Variants in VAPB observed in about 807,000 individuals in gnomAD.
VAPB encodes VAMP associated protein B and C.
A neutral mutation model predicts 25.6 loss-of-function variants in VAPB; 7 were observed. The ratio of observed to expected loss-of-function variants is 0.27; its 90% CI spans 0.16 to 0.51. The LOEUF is 0.51. Ranked by LOEUF, VAPB falls within the 20% of genes least tolerant of loss-of-function variation. The probability of loss-of-function intolerance (pLI) is 0.97; values close to 1 mark genes in which losing one functional copy is unlikely to be tolerated. For synonymous variants in VAPB, 112 were observed against 109.2 expected, an observed-to-expected ratio of 1.03 and a Z score of -0.16; for missense variants, 266 against 301.3, an observed-to-expected ratio of 0.88 and a Z score of 0.87.
chr20:58,396,716 A>G (rs1016555956), intron 1 of VAPB, among the ~76,000 whole-genome samples: 5 of 152,222 alleles, frequency 3.3e-5, no homozygotes, highest in Non-Finnish European at 7.3e-5. Context: ...TTTGCAATAT[A>G]AGGGTAAAGA....
In VAPB at chr20:58,439,167, G is replaced by A. The variant is rs1395556645; in HGVS notation, c.396+142G>A. The A allele has an allele frequency of 5.4e-6, 4 of 743,842 alleles. No homozygotes were observed. The Admixed American group carries it at 9.3e-5, about 17-fold the overall frequency. 46.1% of individuals were successfully genotyped at this position (743,842 alleles called of 1,614,324 possible). Reference sequence around the variant, plus strand: ...GAAGAAAAAAAATAAGCTGAAGTCAGCAAATAAGTGGGCCTTTATGAAATC... The same window carrying A: ...GAAGAAAAAAAATAAGCTGAAGTCAACAAATAAGTGGGCCTTTATGAAATC... On this transcript the variant is annotated intron_variant, in intron 4 of 5. Coordinates refer to ENST00000475243, the MANE Select transcript of VAPB (RefSeq NM_004738.5).
intron 2 of VAPB, among the ~76,000 whole-genome samples, chr20:58,423,427 A>C (rs1988714573): frequency 1.4e-5 from 2 of 145,988 alleles, no homozygotes; most frequent in African/African-American, 2.5e-5. Context: ...AAAAAAAAAA[A>C]AAAAAAAAAA....
chr20:58,426,783 G>T (rs114458872), intron 2 of VAPB, among the ~76,000 whole-genome samples: 1,816 of 152,220 alleles, frequency 0.012, 46 homozygotes, highest in African/African-American at 0.041. Context: ...GAAACTAGAA[G>T]AAACTTGGAA....
At chr20:58,410,586 T>G (rs1204211523) in intron 1 of VAPB, among the ~76,000 whole-genome samples, 1 of 151,894 alleles carries the variant, frequency 6.6e-6, no homozygotes, top group Non-Finnish European at 1.5e-5. Context: ...CTAGCCAATT[T>G]TTGTAGTTTT....
chr20:58,419,913 G>T (rs192845692), intron 2 of VAPB, among the ~76,000 whole-genome samples: 18 of 152,250 alleles, frequency 1.2e-4, no homozygotes, highest in Non-Finnish European at 2.6e-4. Context: ...ATCTCAGTAG[G>T]TGGTTGTACA....
At chr20:58,396,725 GAAAGGT>G (rs1987967272) in intron 1 of VAPB, among the ~76,000 whole-genome samples, 3 of 152,328 alleles carry the variant, frequency 2.0e-5, no homozygotes, top group Admixed American at 2.0e-4. Context: ...TAAGGGTAAA[GAAAGGT>G]AAAGAAGGAA....
intron 3 of VAPB, among the ~76,000 whole-genome samples, chr20:58,436,644 A>G (rs116794586): frequency 3.1e-4 from 47 of 152,114 alleles, no homozygotes; most frequent in African/African-American, 1.0e-3. Context: ...CTTTATTTTA[A>G]AATGTTTTTC....
At chr20:58,401,734 C>T (rs1221635211) in intron 1 of VAPB, among the ~76,000 whole-genome samples, 9 of 152,174 alleles carry the variant, frequency 5.9e-5, no homozygotes, top group African/African-American at 1.9e-4. Context: ...CAGTACCCTT[C>T]GCTTCTAACG....
chr20:58,440,848 TA>T (rs1179764959), intron 4 of VAPB, 58 bp from the exon 5 acceptor site: 4 of 1,558,618 alleles, frequency 2.6e-6, no homozygotes, highest in Non-Finnish European at 3.5e-6. Context: ...TTACTTTGCA[TA>T]AAAAAGTCCA....
At chr20:58,401,506 G>A (rs1851430617) in intron 1 of VAPB, among the ~76,000 whole-genome samples, 1 of 152,058 alleles carries the variant, frequency 6.6e-6, no homozygotes, top group Non-Finnish European at 1.5e-5. Context: ...TTTGACCCCT[G>A]TTGTCATCCT....
In VAPB at chr20:58,448,788, A is replaced by G; in HGVS notation, c.*4553A>G. 1 of 454,100 alleles carries G rather than the reference A, an allele frequency of 2.2e-6. No individual in the cohort carries two copies. The highest frequency in any genetic ancestry group is 4.4e-6 in the Non-Finnish European group (1 of 226,782). 28.1% of individuals were successfully genotyped at this position (454,100 alleles called of 1,614,324 possible). A position where few individuals can be genotyped will look rare whatever the true frequency, so the allele number is the denominator to read the frequency against. Reference sequence around the variant, plus strand: ...TGAACACACTACAGACAGTGAAAAAAGGTACATATTCCATTTTCTCATTGC... The same window carrying G: ...TGAACACACTACAGACAGTGAAAAAGGGTACATATTCCATTTTCTCATTGC... On this transcript the variant is annotated 3_prime_UTR_variant, in exon 6 of 6. Coordinates refer to ENST00000475243, the MANE Select transcript of VAPB (RefSeq NM_004738.5).
chr20:58,434,351 T>C (rs1234370774), intron 2 of VAPB, among the ~76,000 whole-genome samples: 1 of 152,292 alleles, frequency 6.6e-6, no homozygotes, highest in Admixed American at 6.5e-5. Context: ...GAAAGATCCA[T>C]GGACTAGGAA....
intron 5 of VAPB, among the ~76,000 whole-genome samples, chr20:58,442,141 G>A (rs936028249): frequency 9.9e-5 from 15 of 152,120 alleles, no homozygotes; most frequent in Non-Finnish European, 1.5e-5. Flanking sequence ...CACCTCTAAG[G>A]CCCCTTCCAG....
chr20:58,423,960 T>G (rs1213748414), intron 2 of VAPB, among the ~76,000 whole-genome samples: 1 of 152,012 alleles, frequency 6.6e-6, no homozygotes, highest in East Asian at 1.9e-4. Context: ...CTTTTAAGGG[T>G]TTTTACAAGT....
intron 2 of VAPB, among the ~76,000 whole-genome samples, chr20:58,427,959 G>A (rs866412974): frequency 4.2e-5 from 6 of 144,554 alleles, no homozygotes; most frequent in Admixed American, 1.4e-4. Context: ...TGATGCAGGC[G>A]AAAGTGATCT....
chr20:58,409,080 G>A (rs1408124723), intron 1 of VAPB, among the ~76,000 whole-genome samples: 1 of 152,198 alleles, frequency 6.6e-6, no homozygotes, highest in Non-Finnish European at 1.5e-5. Context: ...ATTGTGTGAA[G>A]TAGATGGAAG....
At chr20:58,391,091 TAGTG>T (rs1289031386) in intron 1 of VAPB, among the ~76,000 whole-genome samples, 3 of 152,138 alleles carry the variant, frequency 2.0e-5, no homozygotes, top group African/African-American at 7.2e-5. Flanking sequence ...AAAGTGAAAA[TAGTG>T]AGCCTTAGTT....
rs148852122 is a variant in VAPB at position 58,449,267 on chromosome 20, G to A, written c.*5032G>A. 1.9e-4 allele frequency: 86 copies of A among 453,982 alleles called. No homozygotes were observed. Among genetic ancestry groups the A allele is most frequent in the African/African-American group, 1.5e-3 (76 of 50,098 alleles). 28.1% of individuals were successfully genotyped at this position (453,982 alleles called of 1,614,324 possible). ...CCAGGGGGCCCTGACCTCCCTCCAT[G>A]CCATGTTTTTGGCTGTATCTACGGC... On this transcript the variant is annotated 3_prime_UTR_variant, in exon 6 of 6. Transcript: ENST00000475243.
intron 4 of VAPB, 138 bp downstream of exon 4, chr20:58,439,163 G>A (rs1337908830): frequency 2.5e-6 from 2 of 799,264 alleles, no homozygotes; most frequent in Non-Finnish European, 4.1e-6. Flanking sequence ...ATAAGCTGAA[G>A]TCAGCAAATA....
Sources: allele counts gnomAD v4.1 joint callset (sites outside exome capture counted in the v4.1 genomes callset), GRCh38; gene constraint gnomAD v4.1.1; transcripts MANE v1.5; gene names NCBI Gene and HGNC (gene_info 2026-07-23, HGNC 2026-07-21).